The following RASSF2 variants were observed in gnomAD, a reference collection of about 807,000 sequenced individuals.
RASSF2 encodes the protein Ras association domain family member 2, also known as ras association domain-containing protein 2.
RASSF2 carries 34 observed loss-of-function variants against 46.3 expected under a neutral mutation model. That is an observed-to-expected ratio of 0.73 (90% CI 0.56 to 0.98). The LOEUF (loss-of-function observed/expected upper bound fraction) is 0.98, where lower values mean the gene tolerates loss of function less well. Among genes scored for constraint, RASSF2 ranks in the 50% least tolerant of loss-of-function variants. RASSF2 has a pLI of 0.00. For synonymous variants in RASSF2, 158 were observed against 162.5 expected (o/e 0.97, Z 0.21); for missense variants, 364 against 431.2 (o/e 0.84, Z 1.38).
intron 4 of RASSF2, 140 bp downstream of exon 4, chr20:4,797,870 C>T (rs1423578044): frequency 7.2e-7 from 1 of 1,384,896 alleles, no homozygotes; most frequent in East Asian, 2.6e-5. Context: ...TTCCAAAGAA[C>T]CCCAAGGACT....
rs770738940 is a variant in RASSF2, at chr20:4,786,300, G to A, written c.842C>T (p.Pro281Leu). The change falls in exon 11 of 12, where the codon CCG becomes CTG. Residue 281 changes from proline to leucine, a missense_variant. Coordinates refer to ENST00000379400, the MANE Select transcript of RASSF2 (RefSeq NM_014737.3). Reference sequence around the variant, plus strand: ...CTTCTGAATGAAGCTTTTAAGTACCGGCATCTCGAACTTTATATACTGGGC... The same window carrying A: ...CTTCTGAATGAAGCTTTTAAGTACCAGCATCTCGAACTTTATATACTGGGC... ...DVAQYIKFEMPVLKSFIQKLQ... is the reference protein window; with the variant it reads ...DVAQYIKFEMLVLKSFIQKLQ... The A allele has an allele frequency of 5.0e-6, 8 of 1,612,716 alleles. No homozygotes were observed. Among genetic ancestry groups the A allele is most frequent in the East Asian group, 2.2e-5 (1 of 44,874 alleles).
At chr20:4,822,646 G>C (rs767419495) in intron 1 of RASSF2, among the ~76,000 whole-genome samples, 1 of 152,260 alleles carries the variant, frequency 6.6e-6, no homozygotes, top group Non-Finnish European at 1.5e-5. Context: ...CACCTGCCTC[G>C]CTCGGGGCGA....
chr20:4,784,478 TACTG>T, intron 11 of RASSF2, 136 bp from the exon 12 acceptor site: 1 of 695,830 alleles, frequency 1.4e-6, no homozygotes, highest in Non-Finnish European at 2.5e-6. Flanking sequence ...TTGCTTCCAT[TACTG>T]ACCCCTCTTT....
At chr20:4,787,879 T>C in intron 9 of RASSF2, 125 bp from the exon 10 acceptor site, 1 of 1,229,756 alleles carries the variant, frequency 8.1e-7, no homozygotes, top group Non-Finnish European at 1.2e-6. Flanking sequence ...GATTTATAAG[T>C]GAACTATTCC....
At chr20:4,803,174 G>C (rs2423009) in intron 2 of RASSF2, among the ~76,000 whole-genome samples, 1 of 151,730 alleles carries the variant, frequency 6.6e-6, no homozygotes, top group Non-Finnish European at 1.5e-5. Context: ...GCCTCCCAAA[G>C]TGCTGGGATT....
At chr20:4,788,556 G>T (rs1252986699) in intron 8 of RASSF2, among the ~76,000 whole-genome samples, 2 of 152,166 alleles carry the variant, frequency 1.3e-5, no homozygotes, top group Non-Finnish European at 2.9e-5. Context: ...AACCTGGATG[G>T]CATAGCCTAC....
intron 4 of RASSF2, among the ~76,000 whole-genome samples, chr20:4,797,120 A>G (rs529039709): frequency 6.6e-6 from 1 of 152,312 alleles, no homozygotes; most frequent in Admixed American, 6.5e-5. Context: ...GCTTTATGTA[A>G]ACATAGGCAA....
chr20:4,822,631 C>A (rs1206695228), intron 1 of RASSF2, among the ~76,000 whole-genome samples: 1 of 152,246 alleles, frequency 6.6e-6, no homozygotes, highest in Non-Finnish European at 1.5e-5. Flanking sequence ...CGGGGCCGCC[C>A]ACGGCACCTG....
At chr20:4,807,477 T>G (rs763744829) in intron 2 of RASSF2, among the ~76,000 whole-genome samples, 2 of 152,236 alleles carry the variant, frequency 1.3e-5, no homozygotes, top group African/African-American at 2.4e-5. Flanking sequence ...CTATGCTCAT[T>G]CATAAAATGG....
intron 3 of RASSF2, 77 bp downstream of exon 3, chr20:4,800,895 A>G: frequency 1.6e-6 from 2 of 1,248,274 alleles, no homozygotes; most frequent in South Asian, 2.4e-5. Context: ...GCCCTCTGCC[A>G]GCGGCTGCCG....
chr20:4,798,234 A>C (rs1926527559), intron 3 of RASSF2, 149 bp from the exon 4 acceptor site: 7 of 1,303,694 alleles, frequency 5.4e-6, no homozygotes, highest in Admixed American at 2.4e-5. Context: ...ATGCACATGC[A>C]CACAGAGTTC....
rs1019513857 is a variant in RASSF2 at position 4,780,358 on chromosome 20, C to T, written c.*3915G>A. 5.9e-5 allele frequency: 9 copies of T among 152,316 alleles called. No homozygotes were observed. The East Asian group carries it at 1.5e-3, about 26-fold the overall frequency. The allele number at this position is 152,316 out of a possible 1,614,324, so 9.4% of individuals were successfully genotyped here. A position where few individuals can be genotyped will look rare whatever the true frequency, so the allele number is the denominator to read the frequency against. On this transcript the variant is annotated 3_prime_UTR_variant, in exon 12 of 12. Transcript: ENST00000379400. ...GTAAACTGAGGGTTTCCCACCACAG[C>T]TTGTGCATCTTGTGCTCAGTTAAAT...
In RASSF2 at chr20:4,792,519, T is replaced by C. The variant is rs2122485801; in HGVS notation, c.376+20A>G. ...CACACAGTTGGTCCCTAGCTGGAAG[T>C]ACCTTCCACTCACATGTACCTGTGG... On this transcript the variant is annotated intron_variant, in intron 6 of 11. Coordinates refer to ENST00000379400, the MANE Select transcript of RASSF2 (RefSeq NM_014737.3). 2 of 1,614,012 alleles carry C rather than the reference T, an allele frequency of 1.2e-6. No individual in the cohort carries two copies. The highest frequency in any genetic ancestry group is 1.7e-6 in the Non-Finnish European group (2 of 1,179,978).
intron 8 of RASSF2, among the ~76,000 whole-genome samples, chr20:4,788,815 A>G (rs543221267): frequency 3.9e-5 from 6 of 152,246 alleles, no homozygotes; most frequent in Non-Finnish European, 7.3e-5. Context: ...GATAACAGCT[A>G]TCGTCTATTG....
At chr20:4,792,741 G>T in intron 5 of RASSF2, 114 bp from the exon 6 acceptor site, 1 of 1,472,342 alleles carries the variant, frequency 6.8e-7, no homozygotes, top group Non-Finnish European at 9.0e-7. Context: ...CTAGTGCCAG[G>T]CTGGGTACTG....
At chr20:4,809,709 G>T (rs2122626691) in intron 2 of RASSF2, among the ~76,000 whole-genome samples, 1 of 152,368 alleles carries the variant, frequency 6.6e-6, no homozygotes, top group African/African-American at 2.4e-5. Flanking sequence ...GAAAGCATGT[G>T]ATTTATTGTG....
chr20:4,809,398 T>C (rs1927592285), intron 2 of RASSF2, among the ~76,000 whole-genome samples: 2 of 151,942 alleles, frequency 1.3e-5, no homozygotes, highest in Admixed American at 6.6e-5. Context: ...GCCTCGACCC[T>C]CATCAAAACT....
intron 2 of RASSF2, among the ~76,000 whole-genome samples, chr20:4,804,014 C>T (rs886978336): frequency 1.3e-5 from 2 of 150,438 alleles, no homozygotes; most frequent in African/African-American, 2.4e-5. Context: ...GCCACAATCA[C>T]GCCACTGCAC....
chr20:4,817,987 C>T (rs530943666), intron 2 of RASSF2, among the ~76,000 whole-genome samples: 151 of 152,286 alleles, frequency 9.9e-4, no homozygotes, highest in African/African-American at 3.4e-3. Context: ...TAATCATTAG[C>T]CAGACGCAGT....
Sources: allele counts gnomAD v4.1 joint callset (sites outside exome capture counted in the v4.1 genomes callset), GRCh38; gene constraint gnomAD v4.1.1; transcripts MANE v1.5; gene names NCBI Gene and HGNC (gene_info 2026-07-23, HGNC 2026-07-21).